Variants in ARB2A observed in about 807,000 individuals in gnomAD.
ARB2A encodes the protein ARB2 cotranscriptional regulator A.
the ARB2A span, among the ~76,000 whole-genome samples, chr5:93,627,990 T>C: frequency 1.3e-5 from 2 of 151,490 alleles, no homozygotes; most frequent in African/African-American, 4.9e-5. Flanking sequence ...TGTAAACAAA[T>C]GTGCTGTCAT....
At chr5:93,949,636 CTG>C in the ARB2A span, among the ~76,000 whole-genome samples, 1 of 151,946 alleles carries the variant, frequency 6.6e-6, no homozygotes, top group Non-Finnish European at 1.5e-5. Context: ...AGCATTTATC[CTG>C]TGTGTTACAA....
At chr5:93,659,084 G>C in the ARB2A span, among the ~76,000 whole-genome samples, 1 of 152,136 alleles carries the variant, frequency 6.6e-6, no homozygotes, top group South Asian at 2.1e-4. Flanking sequence ...GTATAAAACA[G>C]TACACAATTT....
the ARB2A span, among the ~76,000 whole-genome samples, chr5:93,690,748 C>T: frequency 6.6e-6 from 1 of 152,288 alleles, no homozygotes; most frequent in South Asian, 2.1e-4. Context: ...GACCCTGTGC[C>T]TCCTGACTGG....
the ARB2A span, among the ~76,000 whole-genome samples, chr5:93,879,135 G>A: frequency 6.6e-6 from 1 of 152,056 alleles, no homozygotes; most frequent in African/African-American, 2.4e-5. Flanking sequence ...TGGGAGATAA[G>A]TAGAGAGAAG....
At chr5:94,061,746 T>C in the ARB2A span, among the ~76,000 whole-genome samples, 3 of 152,178 alleles carry the variant, frequency 2.0e-5, no homozygotes, top group African/African-American at 7.2e-5. Flanking sequence ...ATAACAGGTA[T>C]AGGATTTACA....
At chr5:93,955,547 T>A in the ARB2A span, among the ~76,000 whole-genome samples, 1 of 152,248 alleles carries the variant, frequency 6.6e-6, no homozygotes, top group Non-Finnish European at 1.5e-5. Context: ...AGTGAAGTAA[T>A]CAGAAATTAT....
chr5:94,045,521 G>T, the ARB2A span, among the ~76,000 whole-genome samples: 1 of 151,984 alleles, frequency 6.6e-6, no homozygotes, highest in African/African-American at 2.4e-5. Context: ...GCTCTTAAAT[G>T]GAAGTTGAAA....
chr5:93,773,053 T>C, the ARB2A span, among the ~76,000 whole-genome samples: 1 of 152,210 alleles, frequency 6.6e-6, no homozygotes, highest in Admixed American at 6.5e-5. Context: ...TATGTTGCTA[T>C]TTACCCCAAT....
At chr5:94,066,042 G>C in the ARB2A span, among the ~76,000 whole-genome samples, 409 of 152,034 alleles carry the variant, frequency 2.7e-3, 1 homozygote, top group Non-Finnish European at 4.3e-3. Context: ...TCAATAAAAA[G>C]AAGAACTTCA....
the ARB2A span, among the ~76,000 whole-genome samples, chr5:94,097,569 C>G: frequency 6.6e-6 from 1 of 152,188 alleles, no homozygotes; most frequent in Non-Finnish European, 1.5e-5. Context: ...CGCAATCTCT[C>G]TCTTTGCCTG....
the ARB2A span, among the ~76,000 whole-genome samples, chr5:94,091,840 C>T: frequency 6.6e-6 from 1 of 152,104 alleles, no homozygotes; most frequent in Non-Finnish European, 1.5e-5. Context: ...TGATATTCTC[C>T]TATACAGCTT....
the ARB2A span, among the ~76,000 whole-genome samples, chr5:94,002,637 A>G: frequency 1.6e-4 from 25 of 152,008 alleles, no homozygotes; most frequent in Non-Finnish European, 3.2e-4. Flanking sequence ...TCTGCTTTTT[A>G]TTTATTTTTA....
chr5:93,805,467 TCC>T, the ARB2A span: 1 of 985,068 alleles, frequency 1.0e-6, no homozygotes, highest in South Asian at 4.7e-5. Flanking sequence ...AGATCACCAT[TCC>T]CCTGCACAGA....
the ARB2A span, among the ~76,000 whole-genome samples, chr5:93,679,777 T>C: frequency 6.6e-6 from 1 of 152,250 alleles, no homozygotes; most frequent in East Asian, 1.9e-4. Flanking sequence ...AAACTTAATA[T>C]GTCATAACTT....
chr5:93,656,546 T>A, the ARB2A span, among the ~76,000 whole-genome samples: 1 of 152,226 alleles, frequency 6.6e-6, no homozygotes, highest in East Asian at 1.9e-4. Context: ...TCCATGGAAA[T>A]AATTTTAAGG....
chr5:93,771,029 G>A, the ARB2A span, among the ~76,000 whole-genome samples: 739 of 152,174 alleles, frequency 4.9e-3, 5 homozygotes, highest in African/African-American at 0.017. Context: ...AAAGCTGGAG[G>A]CATCACACTA....
the ARB2A span, among the ~76,000 whole-genome samples, chr5:93,783,034 T>C: frequency 6.6e-6 from 1 of 152,132 alleles, no homozygotes; most frequent in South Asian, 2.1e-4. Flanking sequence ...TTCTGATTTT[T>C]GAAAGGAACA....
the ARB2A span, among the ~76,000 whole-genome samples, chr5:93,993,404 C>T: frequency 6.6e-6 from 1 of 151,976 alleles, no homozygotes; most frequent in Admixed American, 6.6e-5. Context: ...CTACGAAGTC[C>T]ACTCTCTTCA....
chr5:93,939,481 T>G, the ARB2A span, among the ~76,000 whole-genome samples: 1 of 152,136 alleles, frequency 6.6e-6, no homozygotes, highest in Admixed American at 6.5e-5. Flanking sequence ...AGGATTATTT[T>G]AAAATTGCTA....
Sources: allele counts gnomAD v4.1 joint callset (sites outside exome capture counted in the v4.1 genomes callset), GRCh38; gene constraint gnomAD v4.1.1; transcripts MANE v1.5; gene names NCBI Gene and HGNC (gene_info 2026-07-23, HGNC 2026-07-21).